The following CCDC69 variants were observed in gnomAD, a reference collection of about 807,000 sequenced individuals.
CCDC69 encodes the protein coiled-coil domain containing 69, also known as coiled-coil domain-containing protein 69.
Under a neutral mutation model 40.3 loss-of-function variants are expected in CCDC69, and 38 were observed. That is an observed-to-expected ratio of 0.94 (90% CI 0.73 to 1.24). The LOEUF (loss-of-function observed/expected upper bound fraction) is 1.24. Among genes scored for constraint, CCDC69 ranks in the 50% most tolerant of loss-of-function variants. The probability of loss-of-function intolerance (pLI) is 0.00; values close to 1 mark genes in which losing one functional copy is unlikely to be tolerated. For synonymous variants in CCDC69, 141 were observed against 138.9 expected, an observed-to-expected ratio of 1.02 and a Z score of -0.11; for missense variants, 389 against 357.9, an observed-to-expected ratio of 1.09 and a Z score of -0.70.
chr5:151,194,113 T>C (rs1473628180), intron 4 of CCDC69, among the ~76,000 whole-genome samples: 1 of 152,246 alleles, frequency 6.6e-6, no homozygotes, highest in Non-Finnish European at 1.5e-5. Context: ...CAGATGGTGA[T>C]ATAAAATAGT....
intron 3 of CCDC69, among the ~76,000 whole-genome samples, chr5:151,200,803 T>G (rs1204239863): frequency 2.6e-5 from 4 of 152,234 alleles, no homozygotes; most frequent in Non-Finnish European, 5.9e-5. Flanking sequence ...TTCTGGGTAA[T>G]TTTAAAGCCT....
At chr5:151,222,923 G>C (rs1170647532) in intron 1 of CCDC69, among the ~76,000 whole-genome samples, 1 of 152,178 alleles carries the variant, frequency 6.6e-6, no homozygotes, top group East Asian at 1.9e-4. Context: ...AGCAAAGCAG[G>C]AGCAGAGGGA....
intron 4 of CCDC69, among the ~76,000 whole-genome samples, chr5:151,194,221 A>G (rs1561599717): frequency 6.6e-6 from 1 of 152,252 alleles, no homozygotes; most frequent in Non-Finnish European, 1.5e-5. Context: ...AAGATAAATG[A>G]AAACCTATGT....
chr5:151,188,848 T>C (rs1349453493), intron 4 of CCDC69, among the ~76,000 whole-genome samples: 2 of 152,166 alleles, frequency 1.3e-5, no homozygotes, highest in Non-Finnish European at 2.9e-5. Context: ...AATGTAGCTA[T>C]AAAACCTGGA....
At chr5:151,217,296 G>A (rs1350883890) in intron 1 of CCDC69, among the ~76,000 whole-genome samples, 2 of 152,132 alleles carry the variant, frequency 1.3e-5, no homozygotes, top group East Asian at 1.9e-4. Context: ...AAAGCAATGG[G>A]CCCTGTCCAG....
intron 2 of CCDC69, 130 bp downstream of exon 2, chr5:151,205,270 C>G: frequency 1.3e-6 from 1 of 772,240 alleles, no homozygotes; most frequent in Non-Finnish European, 2.2e-6. Flanking sequence ...TGATTTTAGA[C>G]ACGATACTCC....
intron 1 of CCDC69, among the ~76,000 whole-genome samples, chr5:151,221,634 C>T (rs986744035): frequency 3.3e-5 from 5 of 152,234 alleles, no homozygotes; most frequent in Admixed American, 6.5e-5. Flanking sequence ...TTGGACCCAT[C>T]GTTCCTCACT....
At chr5:151,217,264 C>T (rs965080088) in intron 1 of CCDC69, among the ~76,000 whole-genome samples, 1 of 152,192 alleles carries the variant, frequency 6.6e-6, no homozygotes, top group African/African-American at 2.4e-5. Flanking sequence ...CTTTCCTCTA[C>T]AGATGCAGCT....
At chr5:151,201,805 C>T in intron 2 of CCDC69, 117 bp from the exon 3 acceptor site, 2 of 567,880 alleles carry the variant, frequency 3.5e-6, no homozygotes, top group Non-Finnish European at 6.1e-6. Flanking sequence ...CTGGTCTCTG[C>T]CTCAAGAATG....
Position 151,187,408 on chromosome 5 carries a change from C to G in CCDC69, c.371G>C (p.Arg124Pro). The change falls in exon 5 of 9, where the codon CGG becomes CCG. Residue 124 changes from arginine to proline, a missense_variant. Arg to Pro is a moderately radical substitution (Grantham distance 103). Transcript: ENST00000355417. The stretch of plus-strand genomic sequence containing the variant: ...CACCTGCTGGGTAGAACTGGCCTCC[C>G]GGAAAGAGTGGGTAAGCGCTTCTTT... ...QEKEALTHSFREASSTQQETI... is the reference protein window; with the variant it reads ...QEKEALTHSFPEASSTQQETI... The G allele has an allele frequency of 3.7e-6, 6 of 1,614,116 alleles. No homozygotes were observed. Among genetic ancestry groups the G allele is most frequent in the Non-Finnish European group, 5.1e-6 (6 of 1,179,992 alleles).
chr5:151,200,284 A>G (rs1246783579), intron 3 of CCDC69, among the ~76,000 whole-genome samples: 2 of 152,170 alleles, frequency 1.3e-5, no homozygotes, highest in South Asian at 2.1e-4. Context: ...GATTACAGGC[A>G]TGTGCCACCA....
At chr5:151,210,387 A>T (rs1752928691) in intron 1 of CCDC69, among the ~76,000 whole-genome samples, 1 of 151,962 alleles carries the variant, frequency 6.6e-6, no homozygotes, top group South Asian at 2.1e-4. Flanking sequence ...TACTAAAAAT[A>T]CAAAAATTAG....
intron 1 of CCDC69, among the ~76,000 whole-genome samples, chr5:151,222,572 G>C (rs1208150842): frequency 2.6e-5 from 4 of 152,202 alleles, no homozygotes; most frequent in Non-Finnish European, 5.9e-5. Context: ...GGAGACACAA[G>C]GGCTTGCTTG....
chr5:151,202,475 T>C (rs55859442), intron 2 of CCDC69, among the ~76,000 whole-genome samples: 2 of 152,248 alleles, frequency 1.3e-5, no homozygotes, highest in Non-Finnish European at 2.9e-5. Flanking sequence ...GAACTGGCAA[T>C]GTATGCCTTC....
rs1417358930 is a variant in CCDC69 at position 151,185,441 on chromosome 5, A to C, written c.596T>G (p.Leu199Arg). The C allele has an allele frequency of 1.2e-6, 2 of 1,614,090 alleles. No individual in the cohort carries two copies. The highest frequency in any genetic ancestry group is 3.3e-5 in the Admixed American group (2 of 60,022). ...ACAGACCACTGTTTCCATGAGGATC[A>C]GCCGCCTGTCCAGCTCATGAATACG... The part of the protein sequence containing the change: ...NERIHELDRR[L>R]ILMETVKEKN... Residue 199 changes from leucine (L) to arginine (R), a missense_variant, in exon 7 of 9, where the codon CTG (leucine) becomes CGG (arginine). Transcript: ENST00000355417.
chr5:151,209,459 G>A (rs1259197177), intron 1 of CCDC69, among the ~76,000 whole-genome samples: 2 of 152,320 alleles, frequency 1.3e-5, no homozygotes, highest in East Asian at 3.9e-4. Flanking sequence ...ACCACAGGCA[G>A]CACGTGGCCT....
chr5:151,192,339 T>C (rs1191384684), intron 4 of CCDC69, among the ~76,000 whole-genome samples: 1 of 151,322 alleles, frequency 6.6e-6, no homozygotes, highest in African/African-American at 2.4e-5. Context: ...ATATCAGGAA[T>C]GAAATATCAC....
At chr5:151,194,397 T>G (rs1025565017) in intron 4 of CCDC69, among the ~76,000 whole-genome samples, 1 of 152,230 alleles carries the variant, frequency 6.6e-6, no homozygotes, top group African/African-American at 2.4e-5. Flanking sequence ...TCGTGATGCA[T>G]GAAGGAAGCC....
intron 1 of CCDC69, among the ~76,000 whole-genome samples, chr5:151,218,283 C>G (rs1033138064): frequency 6.6e-6 from 1 of 152,230 alleles, no homozygotes; most frequent in Non-Finnish European, 1.5e-5. Context: ...CAAGGTGGGA[C>G]AGCAGGAGCT....
Sources: gnomAD v4.1 joint callset for allele counts (sites outside exome capture counted in the v4.1 genomes callset) on GRCh38, gnomAD v4.1.1 for gene constraint, MANE v1.5 for transcripts, NCBI Gene and HGNC (gene_info 2026-07-23, HGNC 2026-07-21) for gene names.